PNPLA8: variants seen among roughly 807,000 people sequenced by gnomAD.
The protein encoded by PNPLA8 is patatin like domain 8, phospholipase A2.
PNPLA8 carries 39 observed loss-of-function variants against 76.9 expected under a neutral mutation model. The observed-to-expected ratio is 0.51, with a 90% confidence interval of 0.39 to 0.66. PNPLA8 has a LOEUF of 0.66. PNPLA8 is among the 30% of genes least tolerant of loss of function. The probability of loss-of-function intolerance (pLI) is 0.00; values close to 1 mark genes in which losing one functional copy is unlikely to be tolerated. For missense variants in PNPLA8, 887 were observed against 918.0 expected (o/e 0.97, Z 0.44); for synonymous variants, 301 against 307.9 (o/e 0.98, Z 0.24).
At position 108,487,973 on chromosome 7, in the gene PNPLA8, A is replaced by C; in HGVS notation, c.1684-20T>G. ...AGCTACCTAGTGAATGAAAAAGTGA[A>C]CAATTCCATCATTAACAGTAATATA... On this transcript the variant is annotated intron_variant, in intron 8 of 10. Transcript: ENST00000257694. 4 of 1,458,474 alleles carry C rather than the reference A, an allele frequency of 2.7e-6. No homozygotes were observed. The highest frequency in any genetic ancestry group is 3.8e-6 in the Non-Finnish European group (4 of 1,049,460). 90.3% of individuals were successfully genotyped at this position (1,458,474 alleles called of 1,614,324 possible). A position where few individuals can be genotyped will look rare whatever the true frequency, so the allele number is the denominator to read the frequency against.
chr7:108,492,926 G>C (rs955575781), intron 7 of PNPLA8, among the ~76,000 whole-genome samples: 1 of 152,160 alleles, frequency 6.6e-6, no homozygotes, highest in Non-Finnish European at 1.5e-5. Context: ...CTTGATAAGT[G>C]CTTATGCACT....
chr7:108,479,490 C>T, intron 9 of PNPLA8, 111 bp from the exon 10 acceptor site: 1 of 738,336 alleles, frequency 1.4e-6, no homozygotes, highest in Admixed American at 2.9e-5. Context: ...CTTAAAAGTG[C>T]ATTTCTTTTA....
intron 9 of PNPLA8, among the ~76,000 whole-genome samples, chr7:108,481,080 G>A (rs768937133): frequency 6.6e-5 from 10 of 152,170 alleles, no homozygotes; most frequent in Non-Finnish European, 1.3e-4. Context: ...CTGATTGTAT[G>A]GATGTACCAC....
intron 2 of PNPLA8, 93 bp from the exon 3 acceptor site, chr7:108,515,667 G>A (rs999936355): frequency 9.6e-6 from 6 of 623,400 alleles, no homozygotes; most frequent in African/African-American, 7.6e-5. Flanking sequence ...AACTCAGCAA[G>A]CTGTCTCAAA....
Position 108,516,271 on chromosome 7 carries a change from T to C in PNPLA8, c.-83-697A>G, listed in dbSNP as rs112364836. 3.7e-3 allele frequency among the ~76,000 whole-genome samples: 570 copies of C among 152,230 alleles called. 5 individuals are homozygous for C. Among genetic ancestry groups the C allele is most frequent in the Non-Finnish European group, 5.8e-3 (396 of 67,998 alleles). Reference sequence around the variant, plus strand: ...TGGTATTGGTAAAAGAAAAGACAAATAGATCAATGGAACAGAATAGAGAGT... The same window carrying C: ...TGGTATTGGTAAAAGAAAAGACAAACAGATCAATGGAACAGAATAGAGAGT... On this transcript the variant is annotated intron_variant, in intron 2 of 10. Transcript: ENST00000257694.
chr7:108,522,633 G>T (rs1366229480), intron 1 of PNPLA8, among the ~76,000 whole-genome samples: 3 of 152,170 alleles, frequency 2.0e-5, no homozygotes. Context: ...TGTGTCACGG[G>T]TGCGTCCTTA....
chr7:108,482,017 A>G (rs1260996107), intron 9 of PNPLA8, among the ~76,000 whole-genome samples: 1 of 152,192 alleles, frequency 6.6e-6, no homozygotes, highest in Non-Finnish European at 1.5e-5. Context: ...TCAAATGGCC[A>G]TATATGTGGG....
intron 6 of PNPLA8, 31 bp from the exon 7 acceptor site, chr7:108,496,786 T>C: frequency 6.5e-7 from 1 of 1,537,470 alleles, no homozygotes; most frequent in South Asian, 1.1e-5. Flanking sequence ...CTTTTATCAG[T>C]GTTAAGTTAT....
At chr7:108,492,337 TC>T (rs1316615401) in intron 7 of PNPLA8, among the ~76,000 whole-genome samples, 1 of 152,206 alleles carries the variant, frequency 6.6e-6, no homozygotes, top group Non-Finnish European at 1.5e-5. Flanking sequence ...CTTTTGTCTT[TC>T]CCAACCTGAT....
chr7:108,490,995 TG>T (rs1285947645), intron 8 of PNPLA8, among the ~76,000 whole-genome samples: 1 of 152,172 alleles, frequency 6.6e-6, no homozygotes, highest in East Asian at 1.9e-4. Flanking sequence ...TAATACAATC[TG>T]TAATACCTTA....
At chr7:108,475,635 A>G (rs944545307) in intron 10 of PNPLA8, among the ~76,000 whole-genome samples, 13 of 152,166 alleles carry the variant, frequency 8.5e-5, no homozygotes, top group African/African-American at 3.1e-4. Flanking sequence ...TCTTGCATGT[A>G]GCCCACAAAT....
At chr7:108,479,069 T>G in intron 10 of PNPLA8, 115 bp downstream of exon 10, 1 of 680,102 alleles carries the variant, frequency 1.5e-6, no homozygotes, top group Non-Finnish European at 2.6e-6. Flanking sequence ...ATGTACTTCC[T>G]AAATCCACAA....
chr7:108,527,724 C>A (rs1864142086), upstream of PNPLA8: 1 of 152,174 alleles, frequency 6.6e-6, no homozygotes, highest in Non-Finnish European at 1.5e-5. Flanking sequence ...AAGATTCTTG[C>A]TGAAGACAGG....
At chr7:108,490,331 G>A (rs1861053321) in intron 8 of PNPLA8, among the ~76,000 whole-genome samples, 2 of 152,132 alleles carry the variant, frequency 1.3e-5, no homozygotes, top group Admixed American at 6.5e-5. Context: ...GCCTACATGT[G>A]TAGTAGGCTA....
intron 4 of PNPLA8, among the ~76,000 whole-genome samples, chr7:108,505,688 G>C (rs961496702): frequency 3.9e-5 from 6 of 151,924 alleles, no homozygotes; most frequent in Admixed American, 3.9e-4. Context: ...TTTAGGATAG[G>C]CAAAGATTTC....
At chr7:108,512,049 A>T (rs1323222819) in intron 4 of PNPLA8, among the ~76,000 whole-genome samples, 2 of 152,200 alleles carry the variant, frequency 1.3e-5, no homozygotes, top group African/African-American at 4.8e-5. Flanking sequence ...TTTCCTTGCC[A>T]CAGAAATCAG....
chr7:108,472,523 G>C lies in PNPLA8; in HGVS notation c.2227C>G (p.Gln743Glu). The change falls in exon 11 of 11, where the codon CAA becomes GAA. Residue 743 changes from glutamine to glutamate, a missense_variant. Transcript: ENST00000257694. ...EGLKYIERNE[Q>E]KMKKVAKILS... is the part of the protein sequence containing the mutation. ...ATTTTTGCAACTTTTTTCATTTTTT[G>C]TTCATTTCTTTCTATGTATTTCAAC... The C allele has an allele frequency of 6.6e-7, 1 of 1,518,792 alleles. No homozygotes were observed. The highest frequency in any genetic ancestry group is 8.9e-7 in the Non-Finnish European group (1 of 1,121,892). The allele number at this position is 1,518,792 out of a possible 1,614,324, so 94.1% of individuals were successfully genotyped here.
At chr7:108,472,731 G>T in intron 10 of PNPLA8, 56 bp from the exon 11 acceptor site, 1 of 1,193,520 alleles carries the variant, frequency 8.4e-7, no homozygotes, top group Non-Finnish European at 1.2e-6. Flanking sequence ...GATAAAGTGA[G>T]CAATGAACTG....
At chr7:108,487,557 T>C (rs1036240331) in intron 9 of PNPLA8, among the ~76,000 whole-genome samples, 2 of 152,152 alleles carry the variant, frequency 1.3e-5, no homozygotes, top group Non-Finnish European at 2.9e-5. Context: ...ACAAAAACTT[T>C]CTTAAAATAT....
Sources: gnomAD v4.1 joint callset for allele counts (sites outside exome capture counted in the v4.1 genomes callset) on GRCh38, gnomAD v4.1.1 for gene constraint, MANE v1.5 for transcripts, NCBI Gene and HGNC (gene_info 2026-07-23, HGNC 2026-07-21) for gene names.